The following ROCK2 variants were observed in gnomAD, a reference collection of about 807,000 sequenced individuals.
The protein encoded by ROCK2 is Rho associated coiled-coil containing protein kinase 2.
In ROCK2, 61 loss-of-function variants were observed where a neutral mutation model predicts 195.1. The observed-to-expected ratio is 0.31, with a 90% CI of 0.25 to 0.39. The LOEUF is 0.39. Ranked by LOEUF, ROCK2 falls within the 10% of genes least tolerant of loss-of-function variation. The pLI, the probability that ROCK2 is intolerant of heterozygous loss-of-function variation, is 1.00. For missense variants in ROCK2, 1,109 were observed against 1,637.4 expected (o/e 0.68, Z 5.57); for synonymous variants, 504 against 545.5 (o/e 0.92, Z 1.06).
intron 3 of ROCK2, among the ~76,000 whole-genome samples, chr2:11,271,213 A>C (rs1395143537): frequency 6.6e-6 from 1 of 152,172 alleles, no homozygotes; most frequent in Non-Finnish European, 1.5e-5. Flanking sequence ...CATATTTCAA[A>C]ATGTTCCTTT....
In ROCK2 at chr2:11,249,667, C is replaced by G; in HGVS notation, c.456G>C (p.Val152=). The G allele has an allele frequency of 6.7e-7, 1 of 1,498,872 alleles. No homozygotes were observed. The highest frequency in any genetic ancestry group is 1.5e-5 in the South Asian group (1 of 65,218). The allele number at this position is 1,498,872 out of a possible 1,614,324, so 92.8% of individuals were successfully genotyped here. The change falls in exon 4 of 33, where the codon GTG becomes GTC. Residue 152 remains valine (V), a synonymous_variant. Coordinates refer to ENST00000315872, the MANE Select transcript of ROCK2 (RefSeq NM_004850.5). The stretch of plus-strand genomic sequence containing the variant: ...TAAAAGTTAGTATGCTTACCTGAAC[C>G]ACCCAGGGGCTATTGGCAAAGGCCA... The part of the protein sequence containing the change: ...DIMAFANSPW[V]VQLFYAFQDD...
chr2:11,250,270 CTT>C (rs1442087574), intron 3 of ROCK2, among the ~76,000 whole-genome samples: 1 of 152,090 alleles, frequency 6.6e-6, no homozygotes, highest in African/African-American at 2.4e-5. Flanking sequence ...TTAAGTCACT[CTT>C]ATTTCTCTTT....
intron 23 of ROCK2, 131 bp from the exon 24 acceptor site, chr2:11,198,905 A>AGAGTCTTGCTCTGTCACCCAGGT (rs1322617797): frequency 1.8e-5 from 11 of 598,238 alleles, no homozygotes; most frequent in Non-Finnish European, 3.1e-5. Context: ...TTTTTGAGAC[A>AGAGTCTTGCTCTGTCACCCAGGT]GAGTCTTGCT....
At chr2:11,312,897 T>A (rs554534734) in intron 1 of ROCK2, among the ~76,000 whole-genome samples, 1 of 152,202 alleles carries the variant, frequency 6.6e-6, no homozygotes, top group Admixed American at 6.5e-5. Flanking sequence ...GACAATTCCA[T>A]TTATATGACA....
At chr2:11,203,658 T>C (rs561257206) in intron 20 of ROCK2, among the ~76,000 whole-genome samples, 39 of 152,278 alleles carry the variant, frequency 2.6e-4, no homozygotes, top group Middle Eastern at 3.4e-3. Context: ...GGTCACTTTG[T>C]TTACTCACTG....
chr2:11,199,576 C>T (rs1174443127), intron 23 of ROCK2, among the ~76,000 whole-genome samples: 3 of 151,974 alleles, frequency 2.0e-5, no homozygotes, highest in African/African-American at 7.3e-5. Flanking sequence ...AGCAATACTC[C>T]CACCTTCAAC....
At chr2:11,207,235 G>A (rs143201167) in intron 20 of ROCK2, among the ~76,000 whole-genome samples, 484 of 152,198 alleles carry the variant, frequency 3.2e-3, no homozygotes, top group African/African-American at 0.011. Flanking sequence ...AACTACAGAC[G>A]TGCACAATCG....
chr2:11,188,180 G>A (rs920100697), intron 32 of ROCK2, among the ~76,000 whole-genome samples: 2 of 144,016 alleles, frequency 1.4e-5, no homozygotes, highest in Non-Finnish European at 3.0e-5. Context: ...GTGCGATCTC[G>A]GCTTACTGCA....
At chr2:11,311,875 G>A (rs1362264626) in intron 1 of ROCK2, among the ~76,000 whole-genome samples, 1 of 152,152 alleles carries the variant, frequency 6.6e-6, no homozygotes, top group Non-Finnish European at 1.5e-5. Context: ...TTTCAACAGA[G>A]AACTTGAAGA....
intron 3 of ROCK2, among the ~76,000 whole-genome samples, chr2:11,275,226 C>A: frequency 6.7e-6 from 1 of 148,782 alleles, no homozygotes; most frequent in South Asian, 2.1e-4. Context: ...CATTGCACTC[C>A]AGCCTGGGGG....
intron 3 of ROCK2, among the ~76,000 whole-genome samples, chr2:11,271,705 G>C (rs976501688): frequency 3.9e-5 from 6 of 152,180 alleles, no homozygotes; most frequent in Admixed American, 6.5e-5. Flanking sequence ...CTGGGAACTT[G>C]AAACAATGCC....
chr2:11,334,016 C>T (rs1461322469), intron 1 of ROCK2, among the ~76,000 whole-genome samples: 1 of 152,148 alleles, frequency 6.6e-6, no homozygotes, highest in Admixed American at 6.5e-5. Flanking sequence ...ATCCAAATCA[C>T]AATTTGCTTT....
intron 29 of ROCK2, 99 bp from the exon 30 acceptor site, chr2:11,193,956 T>C (rs925423920): frequency 7.2e-6 from 4 of 556,528 alleles, no homozygotes; most frequent in Admixed American, 3.6e-5. Flanking sequence ...ACTGACTACT[T>C]TGACCCATGT....
intron 20 of ROCK2, among the ~76,000 whole-genome samples, chr2:11,207,367 A>G (rs990433553): frequency 6.6e-6 from 1 of 152,262 alleles, no homozygotes; most frequent in South Asian, 2.1e-4. Flanking sequence ...TTTAACAGTC[A>G]AACATTTCCA....
intron 3 of ROCK2, among the ~76,000 whole-genome samples, chr2:11,269,097 T>A (rs1379298135): frequency 6.6e-6 from 1 of 152,230 alleles, no homozygotes; most frequent in Non-Finnish European, 1.5e-5. Context: ...AGAAATTTTT[T>A]GGTTTCTTTT....
At chr2:11,341,819 C>T (rs1374721128) in intron 1 of ROCK2, among the ~76,000 whole-genome samples, 1 of 152,020 alleles carries the variant, frequency 6.6e-6, no homozygotes, top group Admixed American at 6.5e-5. Flanking sequence ...ATTATTTCGT[C>T]AGTATTTCAG....
At chr2:11,216,092 T>C (rs755125903) in intron 13 of ROCK2, 66 bp downstream of exon 13, 20 of 1,246,958 alleles carry the variant, frequency 1.6e-5, no homozygotes, top group Non-Finnish European at 2.4e-5. Context: ...GAGAGCTCCT[T>C]AGGTAAGTCA....
chr2:11,317,599 TATATATATA>T lies in ROCK2; in HGVS notation c.141+26388_141+26396del, dbSNP rs1283157008. 4.2e-3 allele frequency among the ~76,000 whole-genome samples: 73 copies of T among 17,374 alleles called. 4 individuals carry two copies. Among genetic ancestry groups the T allele is most frequent in the East Asian group, 0.024 (3 of 126 alleles). 11.4% of individuals were successfully genotyped at this position (17,374 alleles called of 152,430 possible). ...ATTTATATATATATATATATATATATATATATATATATATTTTTTTTTTTTTTTAATTAT... is the reference window on the plus strand; with the variant it reads ...ATTTATATATATATATATATATATATTATATTTTTTTTTTTTTTTAATTAT... On this transcript the variant is annotated intron_variant, in intron 1 of 32. Coordinates refer to ENST00000315872, the MANE Select transcript of ROCK2 (RefSeq NM_004850.5).
chr2:11,257,377 C>T (rs1666074235), intron 3 of ROCK2, among the ~76,000 whole-genome samples: 1 of 151,540 alleles, frequency 6.6e-6, no homozygotes, highest in African/African-American at 2.5e-5. Flanking sequence ...ACTGCTGACG[C>T]TTCTGTCAGG....
Sources: allele counts gnomAD v4.1 joint callset (sites outside exome capture counted in the v4.1 genomes callset), GRCh38; gene constraint gnomAD v4.1.1; transcripts MANE v1.5; gene names NCBI Gene and HGNC (gene_info 2026-07-23, HGNC 2026-07-21).